PBRM1: variants seen among roughly 807,000 people sequenced by gnomAD.
PBRM1 encodes the protein polybromo 1, also known as protein polybromo-1.
A neutral mutation model predicts 194.5 loss-of-function variants in PBRM1; 27 were observed. The observed-to-expected ratio is 0.14, with a 90% CI of 0.10 to 0.19. The LOEUF (loss-of-function observed/expected upper bound fraction) is 0.19. Among genes scored for constraint, PBRM1 ranks in the 10% least tolerant of loss-of-function variants. The pLI, the probability that PBRM1 is intolerant of heterozygous loss-of-function variation, is 1.00. For synonymous variants in PBRM1, 655 were observed against 693.2 expected (o/e 0.94, Z 0.87); for missense variants, 1,466 against 2,077.2 (o/e 0.71, Z 5.72).
intron 3 of PBRM1, 133 bp downstream of exon 4, chr3:52,668,365 C>A (rs1302162130): frequency 3.3e-6 from 2 of 608,600 alleles, no homozygotes; most frequent in South Asian, 4.2e-5. Flanking sequence ...AGTCTCTTTA[C>A]GAATAAGACA....
At chr3:52,588,495 A>G (rs1248866596) in intron 18 of PBRM1, among the ~76,000 whole-genome samples, 2 of 151,950 alleles carry the variant, frequency 1.3e-5, no homozygotes, top group East Asian at 1.9e-4. Context: ...TATGTTTTTA[A>G]TAAGTATCAA....
chr3:52,586,276 ATTTC>A (rs777445209), intron 20 of PBRM1, 145 bp downstream of exon 22: 6 of 682,262 alleles, frequency 8.8e-6, no homozygotes, highest in Non-Finnish European at 5.0e-6. Context: ...GAAAGTGTAA[ATTTC>A]TTTCTGTTAT....
intron 17 of PBRM1, among the ~76,000 whole-genome samples, chr3:52,590,636 T>C (rs2092934441): frequency 1.3e-5 from 2 of 151,514 alleles, no homozygotes; most frequent in Non-Finnish European, 2.9e-5. Context: ...AACATTAAAT[T>C]TTCTTTTTCT....
chr3:52,548,258 A>G, intron 29 of PBRM1, 23 bp from the exon 32 acceptor site: 3 of 1,536,248 alleles, frequency 2.0e-6, no homozygotes, highest in Non-Finnish European at 2.6e-6. Flanking sequence ...GTACAGAGAG[A>G]CAGAAATTAG....
chr3:52,650,875 T>C (rs1280267435), intron 6 of PBRM1, among the ~76,000 whole-genome samples: 1 of 152,202 alleles, frequency 6.6e-6, no homozygotes, highest in Non-Finnish European at 1.5e-5. Context: ...TTTTTCCCTA[T>C]ACTTTCCCTT....
At chr3:52,545,893 T>C, downstream of PBRM1, 1 of 233,084 alleles carries the variant, frequency 4.3e-6, no homozygotes, top group East Asian at 6.0e-5. Context: ...AAATCTTATA[T>C]CCTAAATATT....
chr3:52,629,107 T>C, intron 11 of PBRM1, 72 bp from the exon 13 acceptor site: 9 of 1,206,990 alleles, frequency 7.5e-6, no homozygotes, highest in South Asian at 2.7e-5. Flanking sequence ...GAAAGTCCAA[T>C]GCAAAATCTT....
intron 22 of PBRM1, among the ~76,000 whole-genome samples, chr3:52,575,791 G>C (rs1269083114): frequency 1.3e-5 from 2 of 151,290 alleles, no homozygotes; most frequent in African/African-American, 4.9e-5. Context: ...TGGGATTACA[G>C]GCATGAGCCA....
At chr3:52,580,143 G>A (rs182105317) in intron 20 of PBRM1, among the ~76,000 whole-genome samples, 1 of 152,142 alleles carries the variant, frequency 6.6e-6, no homozygotes, top group South Asian at 2.1e-4. Context: ...GGGAGGCTGA[G>A]GTAGGAAGAT....
chr3:52,549,770 T>C (rs191862034), intron 29 of PBRM1, among the ~76,000 whole-genome samples: 1 of 151,642 alleles, frequency 6.6e-6, no homozygotes, highest in Admixed American at 6.6e-5. Flanking sequence ...CTGGGCGTGG[T>C]GCTGAGCACC....
chr3:52,547,143 A>T (rs544212158), downstream of PBRM1: 1 of 233,036 alleles, frequency 4.3e-6, no homozygotes, highest in East Asian at 6.1e-5. Context: ...GACGAACTTC[A>T]ATGTTTTTCA....
chr3:52,607,376 T>C (rs1228574136), intron 16 of PBRM1, among the ~76,000 whole-genome samples: 1 of 152,090 alleles, frequency 6.6e-6, no homozygotes, highest in Non-Finnish European at 1.5e-5. Flanking sequence ...CACTATCTCA[T>C]AAAAATACAC....
chr3:52,682,878 G>T (rs1228896573), upstream of PBRM1, among the ~76,000 whole-genome samples: 1 of 152,098 alleles, frequency 6.6e-6, no homozygotes, highest in Non-Finnish European at 1.5e-5. Flanking sequence ...TGGCCAACGT[G>T]GTGAAACCCT....
At position 52,578,357 on chromosome 3, in the gene PBRM1, G is replaced by C. The variant is rs147655323; in HGVS notation, c.3533+697C>G. On this transcript the variant is annotated intron_variant, in intron 21 of 29. Coordinates refer to ENST00000296302, the Ensembl canonical transcript of PBRM1. ...TTTTATTCACTAATGTATCCACAGA[G>C]CCTGGTAAATAGTAGGTATAATAAA... Among the ~76,000 whole-genome samples the C allele has an allele frequency of 2.8e-4, 42 of 152,308 alleles. 1 individual carries two copies. Among genetic ancestry groups the C allele is most frequent in the Admixed American group, 1.6e-3 (24 of 15,288 alleles).
intron 21 of PBRM1, among the ~76,000 whole-genome samples, chr3:52,577,131 T>A (rs1388180796): frequency 6.6e-6 from 1 of 152,090 alleles, no homozygotes; most frequent in Non-Finnish European, 1.5e-5. Context: ...TTTTTGAAGG[T>A]CAAGATCTAA....
exon 29 of PBRM1, chr3:52,550,569 G>A: frequency 6.5e-7 from 1 of 1,543,724 alleles, no homozygotes; most frequent in Non-Finnish European, 8.7e-7. Context: ...GTATGACAGG[G>A]GGTCCAGCTG....
chr3:52,661,097 C>T (rs2096714643), intron 4 of PBRM1, among the ~76,000 whole-genome samples: 1 of 152,118 alleles, frequency 6.6e-6, no homozygotes, highest in African/African-American at 2.4e-5. Context: ...GCCATCTCGG[C>T]TCACTGCACC....
chr3:52,668,303 TA>T (rs1273654905), intron 3 of PBRM1, among the ~76,000 whole-genome samples, 194 bp downstream of exon 4: 1 of 152,072 alleles, frequency 6.6e-6, no homozygotes, highest in African/African-American at 2.4e-5. Flanking sequence ...TCTCAAAAGA[TA>T]ATAAATTAAA....
chr3:52,561,652 C>A, intron 25 of PBRM1, 115 bp downstream of exon 27: 2 of 921,542 alleles, frequency 2.2e-6, no homozygotes. Context: ...GGAACAGTCC[C>A]CAAAATAAAA....
Sources: gnomAD v4.1 joint callset for allele counts (sites outside exome capture counted in the v4.1 genomes callset) on GRCh38, gnomAD v4.1.1 for gene constraint, MANE v1.5 for transcripts, NCBI Gene and HGNC (gene_info 2026-07-23, HGNC 2026-07-21) for gene names.